The following GPHN variants were observed in gnomAD, a reference collection of about 807,000 sequenced individuals.
GPHN encodes gephyrin.
A neutral mutation model predicts 95.5 loss-of-function variants in GPHN; 17 were observed. The ratio of observed to expected loss-of-function variants is 0.18; its 90% CI spans 0.12 to 0.27. The LOEUF is 0.27. GPHN is among the 10% of genes least tolerant of loss of function. The pLI is 1.00. For synonymous variants in GPHN, 320 were observed against 322.5 expected, an observed-to-expected ratio of 0.99 and a Z score of 0.08; for missense variants, 660 against 978.1, an observed-to-expected ratio of 0.67 and a Z score of 4.34.
intron 8 of GPHN, among the ~76,000 whole-genome samples, chr14:66,951,817 A>AT (rs1392607887): frequency 2.0e-5 from 3 of 152,304 alleles, no homozygotes; most frequent in African/African-American, 7.2e-5. Context: ...TAGAGAAGTT[A>AT]TTTTTTCAAT....
At chr14:66,570,906 A>G (rs988849613) in intron 1 of GPHN, among the ~76,000 whole-genome samples, 2 of 151,898 alleles carry the variant, frequency 1.3e-5, no homozygotes, top group Non-Finnish European at 2.9e-5. Context: ...GGCCATTTTT[A>G]TGTCCTTTTT....
At chr14:66,760,973 G>T in intron 2 of GPHN, 1 of 629,938 alleles carries the variant, frequency 1.6e-6, no homozygotes, top group Non-Finnish European at 3.0e-6. Context: ...AAGAGAAAAT[G>T]GTATAGCAGT....
intron 1 of GPHN, among the ~76,000 whole-genome samples, chr14:66,658,192 G>T (rs999445276): frequency 9.2e-5 from 14 of 152,118 alleles, no homozygotes; most frequent in South Asian, 4.1e-4. Flanking sequence ...GAATTAGAAG[G>T]AGAGCCGGAA....
intron 9 of GPHN, among the ~76,000 whole-genome samples, chr14:66,997,342 G>A (rs377703598): frequency 1.9e-4 from 28 of 148,618 alleles, no homozygotes; most frequent in African/African-American, 6.8e-4. Context: ...ACTCTAGCCT[G>A]GGCGATAGAG....
At chr14:67,549,169 G>T in the GPHN span, among the ~76,000 whole-genome samples, 1 of 152,274 alleles carries the variant, frequency 6.6e-6, no homozygotes, top group South Asian at 2.1e-4. Flanking sequence ...GTCTTAGCAG[G>T]TCTTTGTGCT....
At chr14:67,143,486 T>C (rs1382176334) in intron 18 of GPHN, 37 bp downstream of exon 18, 2 of 1,227,422 alleles carry the variant, frequency 1.6e-6, no homozygotes, top group Non-Finnish European at 2.4e-6. Context: ...GTATCTGCTG[T>C]AATGTTCTTG....
At chr14:67,183,977 C>T (rs2083355450), downstream of GPHN, among the ~76,000 whole-genome samples, 1 of 152,022 alleles carries the variant, frequency 6.6e-6, no homozygotes, top group African/African-American at 2.4e-5. Flanking sequence ...TCTCAGCCTC[C>T]TGAGTAGCTG....
the GPHN span, chr14:67,292,504 C>T: frequency 5.1e-6 from 8 of 1,581,954 alleles, no homozygotes; most frequent in Non-Finnish European, 6.9e-6. Flanking sequence ...TTTTCTTCTT[C>T]TACTAGAAAT....
chr14:66,693,032 A>T (rs1166784736), intron 2 of GPHN, among the ~76,000 whole-genome samples: 2 of 152,010 alleles, frequency 1.3e-5, no homozygotes, highest in Admixed American at 1.3e-4. Flanking sequence ...TTTAATTCAC[A>T]TAAAATATAA....
chr14:67,175,052 C>A (rs995479136), intron 21 of GPHN, among the ~76,000 whole-genome samples: 1 of 152,070 alleles, frequency 6.6e-6, no homozygotes, highest in South Asian at 2.1e-4. Flanking sequence ...ATGGTAGTTT[C>A]TTTTGCTGTG....
the GPHN span, among the ~76,000 whole-genome samples, chr14:67,665,794 T>G: frequency 6.6e-6 from 1 of 152,082 alleles, no homozygotes; most frequent in African/African-American, 2.4e-5. Context: ...CCCCTTAATA[T>G]ACACAAGATA....
chr14:67,489,092 T>C, the GPHN span, among the ~76,000 whole-genome samples: 1 of 152,166 alleles, frequency 6.6e-6, no homozygotes, highest in Non-Finnish European at 1.5e-5. Flanking sequence ...AACATATGAA[T>C]GAATGATGAG....
chr14:67,206,513 A>ACAAG, the GPHN span, among the ~76,000 whole-genome samples: 1 of 152,294 alleles, frequency 6.6e-6, no homozygotes, highest in South Asian at 2.1e-4. Context: ...AAACAAACAA[A>ACAAG]CAAAAAAACC....
chr14:66,533,982 A>G, intron 1 of GPHN, among the ~76,000 whole-genome samples: 1 of 151,150 alleles, frequency 6.6e-6, no homozygotes, highest in East Asian at 1.9e-4. Context: ...ATTTGAGCTT[A>G]CGTATCTAAA....
intron 2 of GPHN, among the ~76,000 whole-genome samples, chr14:66,761,784 C>T (rs1255575251): frequency 4.0e-5 from 6 of 151,870 alleles, no homozygotes; most frequent in African/African-American, 1.2e-4. Context: ...CTTAGCCTCC[C>T]CAGTAGCTGG....
chr14:66,653,509 T>C (rs1320473952), intron 1 of GPHN, among the ~76,000 whole-genome samples: 4 of 152,192 alleles, frequency 2.6e-5, no homozygotes, highest in Admixed American at 6.5e-5. Context: ...AGTTTGACAC[T>C]GACCCAGTGA....
intron 2 of GPHN, among the ~76,000 whole-genome samples, chr14:66,750,634 A>G (rs2058330547): frequency 6.6e-6 from 1 of 152,004 alleles, no homozygotes; most frequent in African/African-American, 2.4e-5. Flanking sequence ...TGGTAGCAGG[A>G]AAAAGGTAAA....
At chr14:67,011,673 C>T (rs913890015) in intron 9 of GPHN, among the ~76,000 whole-genome samples, 3 of 151,416 alleles carry the variant, frequency 2.0e-5, no homozygotes, top group Non-Finnish European at 2.9e-5. Flanking sequence ...CTATATTTCC[C>T]AGGATCCTTT....
the GPHN span, chr14:67,647,957 TC>T: frequency 2.3e-5 from 30 of 1,282,920 alleles, no homozygotes; most frequent in Non-Finnish European, 3.1e-5. Context: ...AGCAACAAAA[TC>T]AAGGAGTTGC....
Sources: gnomAD v4.1 joint callset for allele counts (sites outside exome capture counted in the v4.1 genomes callset) on GRCh38, gnomAD v4.1.1 for gene constraint, MANE v1.5 for transcripts, NCBI Gene and HGNC (gene_info 2026-07-23, HGNC 2026-07-21) for gene names.